The following BNC2 variants were observed in gnomAD, a reference collection of about 807,000 sequenced individuals.
The protein encoded by BNC2 is zinc finger protein basonuclin-2.
In BNC2, 20 loss-of-function variants were observed where a neutral mutation model predicts 76.3. That is an observed-to-expected ratio of 0.26 (90% CI 0.18 to 0.38). The LOEUF (loss-of-function observed/expected upper bound fraction) is 0.38, where lower values mean the gene tolerates loss of function less well. Among genes scored for constraint, BNC2 ranks in the 10% least tolerant of loss-of-function variants. The probability of loss-of-function intolerance (pLI) is 1.00; values close to 1 mark genes in which losing one functional copy is unlikely to be tolerated. For synonymous variants in BNC2, 582 were observed against 514.8 expected (o/e 1.13, Z -1.77); for missense variants, 1,382 against 1,399.8 (o/e 0.99, Z 0.20).
intron 5 of BNC2, among the ~76,000 whole-genome samples, chr9:16,536,777 G>A (rs1159606775): frequency 2.6e-5 from 4 of 152,162 alleles, no homozygotes; most frequent in Non-Finnish European, 5.9e-5. Context: ...TATTTTGGAA[G>A]GAAATAAGAG....
chr9:16,658,317 G>A (rs1046574536), intron 3 of BNC2, among the ~76,000 whole-genome samples: 4 of 152,106 alleles, frequency 2.6e-5, no homozygotes, highest in Admixed American at 6.5e-5. Flanking sequence ...GTCAGGGGGA[G>A]TACTGTAAGG....
intron 1 of BNC2, among the ~76,000 whole-genome samples, chr9:16,852,362 A>C (rs1819148005): frequency 6.6e-6 from 1 of 152,250 alleles, no homozygotes; most frequent in African/African-American, 2.4e-5. Flanking sequence ...AACTGAGCTA[A>C]GCATAAGCAG....
chr9:16,716,496 T>C (rs571461528), intron 3 of BNC2, among the ~76,000 whole-genome samples: 1 of 152,336 alleles, frequency 6.6e-6, no homozygotes, highest in South Asian at 2.1e-4. Context: ...GAATATCTTT[T>C]ACATTTCATT....
chr9:16,823,072 T>C (rs1025490905), intron 1 of BNC2, among the ~76,000 whole-genome samples: 1 of 152,166 alleles, frequency 6.6e-6, no homozygotes, highest in Non-Finnish European at 1.5e-5. Context: ...CTCCAAGCTA[T>C]CAAATCAGTC....
chr9:16,638,992 T>C (rs1821408709), intron 3 of BNC2, among the ~76,000 whole-genome samples: 1 of 152,126 alleles, frequency 6.6e-6, no homozygotes, highest in Non-Finnish European at 1.5e-5. Context: ...GATTCAATTA[T>C]TATTGATTTG....
At chr9:16,524,767 T>C (rs1817740930) in intron 5 of BNC2, among the ~76,000 whole-genome samples, 1 of 152,026 alleles carries the variant, frequency 6.6e-6, no homozygotes. Context: ...GGCTGAAAAA[T>C]TTTATTCAGT....
At chr9:16,498,704 A>T (rs1822452611) in intron 5 of BNC2, among the ~76,000 whole-genome samples, 1 of 150,968 alleles carries the variant, frequency 6.6e-6, no homozygotes, top group African/African-American at 2.4e-5. Context: ...AAAAAAAAAG[A>T]CCCCCAAAAA....
intron 1 of BNC2, among the ~76,000 whole-genome samples, chr9:16,758,506 T>G (rs1586860267): frequency 6.6e-6 from 1 of 152,098 alleles, no homozygotes; most frequent in Non-Finnish European, 1.5e-5. Context: ...CCTTTTTGTA[T>G]TTGTAGTAGA....
At chr9:16,801,310 G>GTACTCC (rs1817772657) in intron 1 of BNC2, among the ~76,000 whole-genome samples, 2 of 152,074 alleles carry the variant, frequency 1.3e-5, no homozygotes, top group South Asian at 4.2e-4. Context: ...ACAGTGGCGT[G>GTACTCC]ATATTGCTCA....
chr9:16,649,967 C>G (rs564645071), intron 3 of BNC2, among the ~76,000 whole-genome samples: 10 of 152,260 alleles, frequency 6.6e-5, no homozygotes, highest in African/African-American at 2.4e-4. Context: ...ACATTAAATT[C>G]TCACCCACAG....
intron 1 of BNC2, among the ~76,000 whole-genome samples, chr9:16,780,257 C>CAAACAAACAAAA (rs1416629804): frequency 8.9e-5 from 7 of 78,712 alleles, no homozygotes; most frequent in African/African-American, 3.4e-4. Flanking sequence ...AAAAAAAAAA[C>CAAACAAACAAAA]AAAAAAAAAC....
At chr9:16,423,667 A>G (rs1263090379) in intron 6 of BNC2, among the ~76,000 whole-genome samples, 1 of 152,210 alleles carries the variant, frequency 6.6e-6, no homozygotes, top group Non-Finnish European at 1.5e-5. Context: ...AATGATCCCA[A>G]GGTAGGACTC....
At chr9:16,803,063 T>G (rs1817821428) in intron 1 of BNC2, among the ~76,000 whole-genome samples, 1 of 152,196 alleles carries the variant, frequency 6.6e-6, no homozygotes. Flanking sequence ...AACCTCTAAA[T>G]GGCCATCTGT....
intron 5 of BNC2, among the ~76,000 whole-genome samples, chr9:16,532,272 T>A (rs1437364112): frequency 6.6e-6 from 1 of 152,046 alleles, no homozygotes; most frequent in East Asian, 1.9e-4. Context: ...ATTTTTGTAA[T>A]CTTTGTAATG....
intron 5 of BNC2, among the ~76,000 whole-genome samples, chr9:16,505,559 T>C (rs913084910): frequency 2.6e-5 from 4 of 152,128 alleles, no homozygotes; most frequent in African/African-American, 9.7e-5. Flanking sequence ...GAGAGCCAAA[T>C]ATGCAGCCAG....
chr9:16,722,546 T>A (rs1824188409), intron 3 of BNC2, among the ~76,000 whole-genome samples: 1 of 152,210 alleles, frequency 6.6e-6, no homozygotes, highest in African/African-American at 2.4e-5. Flanking sequence ...GTTACTTGGC[T>A]CACCTTAGCA....
chr9:16,445,174 C>T (rs891478682), intron 5 of BNC2, among the ~76,000 whole-genome samples: 4 of 152,162 alleles, frequency 2.6e-5, no homozygotes, highest in African/African-American at 9.7e-5. Flanking sequence ...CTGAGAAACA[C>T]TTAAAATCGT....
Position 16,603,888 on chromosome 9 carries a change from T to C in BNC2, c.331-20803A>G, listed in dbSNP as rs574419431. Reference sequence around the variant, plus strand: ...ATTCTCTTAAAAATTAGGTATTTTATAAAAAAACATTCTGTCACAGTACTG... The same window carrying C: ...ATTCTCTTAAAAATTAGGTATTTTACAAAAAAACATTCTGTCACAGTACTG... On this transcript the variant is annotated intron_variant, in intron 3 of 6. Transcript: ENST00000380672. 1.8e-3 allele frequency among the ~76,000 whole-genome samples: 85 copies of C among 48,210 alleles called. 3 individuals are homozygous for C. The South Asian group carries it at 0.044, about 25-fold the overall frequency. 31.6% of individuals were successfully genotyped at this position (48,210 alleles called of 152,430 possible).
chr9:16,771,590 C>T (rs919588365), intron 1 of BNC2, among the ~76,000 whole-genome samples: 1 of 152,096 alleles, frequency 6.6e-6, no homozygotes, highest in South Asian at 2.1e-4. Flanking sequence ...AAAGATAAGA[C>T]GTTTATAGAT....
Sources: allele counts gnomAD v4.1 joint callset (sites outside exome capture counted in the v4.1 genomes callset), GRCh38; gene constraint gnomAD v4.1.1; transcripts MANE v1.5; gene names NCBI Gene and HGNC (gene_info 2026-07-23, HGNC 2026-07-21).